FANK1: variants seen among roughly 807,000 people sequenced by gnomAD.
The protein encoded by FANK1 is fibronectin type III and ankyrin repeat domains 1.
FANK1 carries 44 observed loss-of-function variants against 45.3 expected under a neutral mutation model. The ratio of observed to expected loss-of-function variants is 0.97; its 90% CI spans 0.76 to 1.25. The LOEUF is 1.25. FANK1 is among the 50% of genes most tolerant of loss of function. The pLI, the probability that FANK1 is intolerant of heterozygous loss-of-function variation, is 0.00. For synonymous variants in FANK1, 149 were observed against 152.5 expected, an observed-to-expected ratio of 0.98 and a Z score of 0.17; for missense variants, 391 against 424.4, an observed-to-expected ratio of 0.92 and a Z score of 0.69.
Position 125,959,966 on chromosome 10 carries a change from CAAAA to C in FANK1, c.14-20192_14-20189del, listed in dbSNP as rs1224007470. 7.9e-5 allele frequency among the ~76,000 whole-genome samples: 12 copies of C among 152,216 alleles called. No homozygotes were observed. The East Asian group carries it at 1.9e-3, about 25-fold the overall frequency. The stretch of plus-strand genomic sequence containing the variant: ...AAGCACTTCACCAAAAACAAACAAA[CAAAA>C]AACCCATACTGTTATTATTTAGAGC... On this transcript the variant is annotated intron_variant, in intron 1 of 10. Coordinates refer to ENST00000368693, the MANE Select transcript of FANK1 (RefSeq NM_145235.5).
chr10:125,957,496 GCTT>G (rs1949654504), intron 1 of FANK1, among the ~76,000 whole-genome samples: 1 of 151,800 alleles, frequency 6.6e-6, no homozygotes, highest in South Asian at 2.1e-4. Flanking sequence ...AGCTCTCTCA[GCTT>G]GGTTTATGTT....
At chr10:125,947,085 G>T (rs1452360192) in intron 1 of FANK1, among the ~76,000 whole-genome samples, 2 of 143,036 alleles carry the variant, frequency 1.4e-5, no homozygotes, top group African/African-American at 2.6e-5. Flanking sequence ...TCACCACCAG[G>T]CCTGCCCTAA....
At chr10:125,902,045 G>A (rs1368237192) in intron 1 of FANK1, among the ~76,000 whole-genome samples, 1 of 152,176 alleles carries the variant, frequency 6.6e-6, no homozygotes, top group Non-Finnish European at 1.5e-5. Flanking sequence ...CTTGAACCTG[G>A]GAGGTGGAGG....
At chr10:125,946,075 C>T (rs1348686050) in intron 1 of FANK1, among the ~76,000 whole-genome samples, 1 of 152,144 alleles carries the variant, frequency 6.6e-6, no homozygotes, top group Middle Eastern at 3.2e-3. Context: ...AACTAACAAA[C>T]AGAAAGGACA....
intron 1 of FANK1, among the ~76,000 whole-genome samples, chr10:125,958,637 C>T (rs1425741960): frequency 6.6e-6 from 1 of 152,198 alleles, no homozygotes; most frequent in Non-Finnish European, 1.5e-5. Flanking sequence ...TTCTCTACAT[C>T]CTCACTAGCA....
chr10:125,997,346 T>C (rs949728277), intron 5 of FANK1, 74 bp from the exon 6 acceptor site: 1 of 1,239,510 alleles, frequency 8.1e-7, no homozygotes, highest in Non-Finnish European at 1.2e-6. Flanking sequence ...GTGTTACTCA[T>C]TTTTACTGGA....
At chr10:125,930,398 A>G (rs1210444893) in intron 1 of FANK1, among the ~76,000 whole-genome samples, 1 of 151,906 alleles carries the variant, frequency 6.6e-6, no homozygotes, top group African/African-American at 2.4e-5. Flanking sequence ...GTGCAGTGGC[A>G]TGATCATGGC....
intron 1 of FANK1, among the ~76,000 whole-genome samples, chr10:125,940,503 C>T (rs1441125612): frequency 1.3e-5 from 2 of 152,158 alleles, no homozygotes; most frequent in South Asian, 2.1e-4. Context: ...AGCCACAGGG[C>T]GGTTTTCTCC....
intron 6 of FANK1, among the ~76,000 whole-genome samples, chr10:125,998,202 C>G (rs1291316344): frequency 6.6e-6 from 1 of 152,178 alleles, no homozygotes; most frequent in Non-Finnish European, 1.5e-5. Context: ...GGGCTGTGGT[C>G]ACAACACACA....
At chr10:125,936,294 CT>C (rs923583083) in intron 1 of FANK1, among the ~76,000 whole-genome samples, 1 of 151,744 alleles carries the variant, frequency 6.6e-6, no homozygotes, top group African/African-American at 2.4e-5. Flanking sequence ...ATTTTTTGTC[CT>C]TTTTTTCATT....
intron 1 of FANK1, among the ~76,000 whole-genome samples, chr10:125,941,011 G>A (rs1948421802): frequency 6.6e-6 from 1 of 152,182 alleles, no homozygotes; most frequent in Non-Finnish European, 1.5e-5. Context: ...AGATCAAAAT[G>A]CAGTTTCTTA....
intron 2 of FANK1, among the ~76,000 whole-genome samples, chr10:125,981,540 A>AT (rs1951219122): frequency 6.6e-6 from 1 of 151,640 alleles, no homozygotes; most frequent in African/African-American, 2.4e-5. Context: ...CTTAGTCTTC[A>AT]TATCATCTCT....
At chr10:125,982,227 G>GTT (rs1457851947) in intron 2 of FANK1, among the ~76,000 whole-genome samples, 1 of 152,232 alleles carries the variant, frequency 6.6e-6, no homozygotes, top group Admixed American at 6.5e-5. Flanking sequence ...ATCCTGCATC[G>GTT]TTCTTTCTTC....
chr10:125,925,383 C>T (rs988500157), intron 1 of FANK1, among the ~76,000 whole-genome samples: 1 of 152,160 alleles, frequency 6.6e-6, no homozygotes. Context: ...TTTGGTTAGA[C>T]TTTGCACTGT....
At chr10:125,955,287 G>A (rs923296370) in intron 1 of FANK1, among the ~76,000 whole-genome samples, 12 of 152,024 alleles carry the variant, frequency 7.9e-5, no homozygotes, top group African/African-American at 2.9e-4. Flanking sequence ...AGACCCCAGT[G>A]TGTGTTGGTC....
chr10:125,949,960 C>T (rs1318859328), intron 1 of FANK1, among the ~76,000 whole-genome samples: 46 of 126,490 alleles, frequency 3.6e-4, no homozygotes, highest in South Asian at 9.3e-4. Context: ...GAAATAACGC[C>T]GCATATCTAC....
chr10:125,938,665 C>T (rs143445464), intron 1 of FANK1, among the ~76,000 whole-genome samples: 2,370 of 152,172 alleles, frequency 0.016, 23 homozygotes, highest in Non-Finnish European at 0.021. Flanking sequence ...AAAAATTAGC[C>T]GGACATGGTG....
intron 1 of FANK1, among the ~76,000 whole-genome samples, chr10:125,953,692 A>T (rs1160187533): frequency 6.6e-6 from 1 of 152,056 alleles, no homozygotes; most frequent in Non-Finnish European, 1.5e-5. Flanking sequence ...TATTTTTTTC[A>T]TTTCAGAGAG....
rs3067291 is a variant in FANK1, at chr10:126,004,160, TAAAAAAAAAA to T, written c.540-713_540-704del. 61 of 132,274 alleles carry T rather than the reference TAAAAAAAAAA, an allele frequency of 4.6e-4. 1 individual carries two copies. Among genetic ancestry groups the T allele is most frequent in the Admixed American group, 2.0e-3 (26 of 12,962 alleles). 8.2% of individuals were successfully genotyped at this position (132,274 alleles called of 1,614,324 possible). On this transcript the variant is annotated intron_variant, in intron 6 of 10. Transcript: ENST00000368693. ...CTGGGGATGGACTACATTTTATCCT[TAAAAAAAAAA>T]AAAAAAAAAAGAAAATATTTAATTT...
Sources: gnomAD v4.1 joint callset for allele counts (sites outside exome capture counted in the v4.1 genomes callset) on GRCh38, gnomAD v4.1.1 for gene constraint, MANE v1.5 for transcripts, NCBI Gene and HGNC (gene_info 2026-07-23, HGNC 2026-07-21) for gene names.